COPZ2: variants seen among roughly 807,000 people sequenced by gnomAD.
COPZ2 encodes coatomer subunit zeta-2.
A neutral mutation model predicts 33.2 loss-of-function variants in COPZ2; 30 were observed. That is an observed-to-expected ratio of 0.90 (90% CI 0.68 to 1.23). COPZ2 has a LOEUF of 1.23. COPZ2 is among the 50% of genes most tolerant of loss of function. COPZ2 has a pLI of 0.00. For missense variants in COPZ2, 263 were observed against 262.4 expected, an observed-to-expected ratio of 1.00 and a Z score of -0.02; for synonymous variants, 89 against 102.6, an observed-to-expected ratio of 0.87 and a Z score of 0.80.
chr17:48,046,326 G>A, the COPZ2 span: 1 of 152,080 alleles, frequency 6.6e-6, no homozygotes, highest in Non-Finnish European at 1.5e-5. Context: ...GTTTTGTTTT[G>A]TTGAGGAAGC....
chr17:48,037,336 C>G lies in COPZ2; in HGVS notation c.111+331G>C. The G allele has an allele frequency of 5.0e-6, 2 of 397,616 alleles. No homozygotes were observed. Among genetic ancestry groups the G allele is most frequent in the Non-Finnish European group, 9.7e-6 (2 of 206,080 alleles). 24.6% of individuals were successfully genotyped at this position (397,616 alleles called of 1,614,324 possible). Reference sequence around the variant, plus strand: ...CCCCAGGCCCTGGCCCGGGTAGACTCCAGAAGCATGCCCATCACCCACCGG... The same window carrying G: ...CCCCAGGCCCTGGCCCGGGTAGACTGCAGAAGCATGCCCATCACCCACCGG... On this transcript the variant is annotated intron_variant, in intron 1 of 8. Coordinates refer to ENST00000621465, the MANE Select transcript of COPZ2 (RefSeq NM_016429.4). The surrounding 1 kb of genome is among the most constrained non-coding windows in gnomAD (Gnocchi z 5.6).
intron 5 of COPZ2, 69 bp downstream of exon 5, chr17:48,032,617 G>T: frequency 8.0e-7 from 1 of 1,244,206 alleles, no homozygotes; most frequent in South Asian, 1.3e-5. Context: ...AGAAAAACAG[G>T]GAGGAAGGGT....
chr17:48,043,674 T>G, the COPZ2 span: 1 of 400,604 alleles, frequency 2.5e-6, no homozygotes, highest in Non-Finnish European at 3.4e-6. Context: ...GACAGGGCCT[T>G]ATACTCAGCT....
upstream of COPZ2, among the ~76,000 whole-genome samples, chr17:48,038,671 A>G (rs984486223): frequency 1.3e-5 from 2 of 152,192 alleles, no homozygotes; most frequent in African/African-American, 4.8e-5. Context: ...GACCTTTTCA[A>G]GACTATACAG....
upstream of COPZ2, among the ~76,000 whole-genome samples, chr17:48,039,964 A>G (rs1370444435): frequency 6.6e-6 from 1 of 152,100 alleles, no homozygotes; most frequent in Admixed American, 6.6e-5. Flanking sequence ...TACTAAAAAT[A>G]CAAAAAAATT....
At chr17:48,029,936 C>T (rs987371125) in intron 6 of COPZ2, among the ~76,000 whole-genome samples, 4 of 151,024 alleles carry the variant, frequency 2.6e-5, no homozygotes, top group Non-Finnish European at 5.9e-5. Context: ...CCACTGCACT[C>T]CAGCCTGGGC....
chr17:48,032,824 G>T, intron 4 of COPZ2, 83 bp from the exon 5 acceptor site: 1 of 1,108,720 alleles, frequency 9.0e-7, no homozygotes, highest in Non-Finnish European at 1.3e-6. Context: ...CCACCTGTGC[G>T]GGCAGCAATG....
At chr17:48,039,526 A>G (rs2037040709), upstream of COPZ2, among the ~76,000 whole-genome samples, 1 of 150,846 alleles carries the variant, frequency 6.6e-6, no homozygotes, top group African/African-American at 2.4e-5. Context: ...GAGGAGGAGG[A>G]GGGGGAGGAG....
chr17:48,044,891 G>A, the COPZ2 span, among the ~76,000 whole-genome samples: 3 of 152,070 alleles, frequency 2.0e-5, no homozygotes, highest in African/African-American at 7.2e-5. Context: ...CTATTCCCCT[G>A]GATTAGATGA....
At chr17:48,038,259 C>G (rs184738670), upstream of COPZ2, among the ~76,000 whole-genome samples, 2 of 152,324 alleles carry the variant, frequency 1.3e-5, no homozygotes, top group East Asian at 3.9e-4. Flanking sequence ...GGACACCCCT[C>G]TGTGAAGAGG....
chr17:48,036,235 A>G (rs2036980769), intron 2 of COPZ2, among the ~76,000 whole-genome samples: 1 of 152,156 alleles, frequency 6.6e-6, no homozygotes, highest in Non-Finnish European at 1.5e-5. Flanking sequence ...ATGTCAAAAA[A>G]CCCGAGTTTG....
the COPZ2 span, chr17:48,046,955 GGA>G: frequency 6.6e-6 from 1 of 152,202 alleles, no homozygotes; most frequent in Non-Finnish European, 1.5e-5. Context: ...CTTGAGTCCA[GGA>G]GTTCCAGTCC....
At chr17:48,027,276 G>T (rs1370307335) in intron 8 of COPZ2, among the ~76,000 whole-genome samples, 1 of 152,204 alleles carries the variant, frequency 6.6e-6, no homozygotes, top group Admixed American at 6.5e-5. Flanking sequence ...CATCAAAAAT[G>T]CTATGTTTTC....
In COPZ2 at chr17:48,033,950, A is replaced by AG; in HGVS notation, c.187-7dup. Reference sequence around the variant, plus strand: ...GGGAATGTGTCATCATAATACTATGAGAAAGGGAAGGAGAAAGGACCATAG... The same window carrying AG: ...GGGAATGTGTCATCATAATACTATGAGGAAAGGGAAGGAGAAAGGACCATAG... On this transcript the variant is annotated splice_region_variant and splice_polypyrimidine_tract_variant and intron_variant, in intron 2 of 8. Transcript: ENST00000621465. The AG allele has an allele frequency of 6.3e-7, 1 of 1,593,306 alleles. No homozygotes were observed. The highest frequency in any genetic ancestry group is 8.6e-7 in the Non-Finnish European group (1 of 1,164,662).
At chr17:48,039,568 C>T (rs2037041344), upstream of COPZ2, among the ~76,000 whole-genome samples, 1 of 151,914 alleles carries the variant, frequency 6.6e-6, no homozygotes. Context: ...ACTATGTTGC[C>T]CAGGCTGGTC....
chr17:48,039,348 T>C (rs933615398), upstream of COPZ2, among the ~76,000 whole-genome samples: 1 of 151,634 alleles, frequency 6.6e-6, no homozygotes, highest in Non-Finnish European at 1.5e-5. Context: ...TGGTGTGACC[T>C]GTAGTCCCAG....
At chr17:48,032,042 T>A in intron 6 of COPZ2, 114 bp downstream of exon 6, 1 of 795,276 alleles carries the variant, frequency 1.3e-6, no homozygotes, top group Non-Finnish European at 2.2e-6. Flanking sequence ...GGGAATATGC[T>A]GGGGGAAGGG....
upstream of COPZ2, among the ~76,000 whole-genome samples, chr17:48,039,038 G>A (rs558740429): frequency 7.2e-5 from 11 of 152,148 alleles, no homozygotes; most frequent in Non-Finnish European, 1.3e-4. Flanking sequence ...GCAGTGACTC[G>A]ATCTGGGCTC....
chr17:48,047,644 CCGCCAA>C, the COPZ2 span: 1 of 97,898 alleles, frequency 1.0e-5, no homozygotes, highest in Non-Finnish European at 2.0e-5. Context: ...CGCCAACGTT[CCGCCAA>C]CGTTCCGCCA....
Sources: allele counts gnomAD v4.1 joint callset (sites outside exome capture counted in the v4.1 genomes callset), GRCh38; gene constraint gnomAD v4.1.1; non-coding constraint Gnocchi (gnomAD v3.1); transcripts MANE v1.5; gene names NCBI Gene and HGNC (gene_info 2026-07-23, HGNC 2026-07-21).